The following DCUN1D4 variants were observed in gnomAD, a reference collection of about 807,000 sequenced individuals.
The protein encoded by DCUN1D4 is DCN1-like protein 4.
Under a neutral mutation model 47.9 loss-of-function variants are expected in DCUN1D4, and 22 were observed. The observed-to-expected ratio is 0.46, with a 90% CI of 0.33 to 0.66. The LOEUF (loss-of-function observed/expected upper bound fraction) is 0.66. Among genes scored for constraint, DCUN1D4 ranks in the 30% least tolerant of loss-of-function variants. DCUN1D4 has a pLI of 0.02. For synonymous variants in DCUN1D4, 121 were observed against 112.2 expected (o/e 1.08, Z -0.50); for missense variants, 301 against 340.8 (o/e 0.88, Z 0.92).
At chr4:51,872,310 G>T (rs913993751) in intron 3 of DCUN1D4, among the ~76,000 whole-genome samples, 2 of 152,206 alleles carry the variant, frequency 1.3e-5, no homozygotes, top group Non-Finnish European at 2.9e-5. Flanking sequence ...TAGCAGGGTT[G>T]TGAATGTTGG....
intron 3 of DCUN1D4, among the ~76,000 whole-genome samples, chr4:51,866,085 CAG>C (rs1462119878): frequency 6.6e-6 from 1 of 152,116 alleles, no homozygotes; most frequent in African/African-American, 2.4e-5. Flanking sequence ...AGGAGTGAGA[CAG>C]AGAGGCAGAG....
At chr4:51,869,017 C>G (rs1726419167) in intron 3 of DCUN1D4, among the ~76,000 whole-genome samples, 1 of 149,836 alleles carries the variant, frequency 6.7e-6, no homozygotes, top group South Asian at 2.1e-4. Flanking sequence ...ACTCGGGAGG[C>G]TGAGGCAGGA....
At chr4:51,834,042 TTCTCTCTCTCTCTCTCTC>T in the DCUN1D4 span, among the ~76,000 whole-genome samples, 249 of 51,902 alleles carry the variant, frequency 4.8e-3, 7 homozygotes, top group Middle Eastern at 0.023. Flanking sequence ...TTAGGAGTCT[TTCTCTCTCTCTCTCTCTC>T]TCTCTCTCTC....
At chr4:51,869,394 A>G (rs1260390575) in intron 3 of DCUN1D4, among the ~76,000 whole-genome samples, 1 of 152,182 alleles carries the variant, frequency 6.6e-6, no homozygotes, top group African/African-American at 2.4e-5. Context: ...ATAGCTATAT[A>G]AAAAGTACTG....
chr4:51,864,179 TATG>T (rs1725530072), intron 3 of DCUN1D4, among the ~76,000 whole-genome samples: 1 of 152,196 alleles, frequency 6.6e-6, no homozygotes, highest in Non-Finnish European at 1.5e-5. Context: ...TAGCTGGCAT[TATG>T]ATCACCTGAG....
chr4:51,887,812 A>G (rs754736369), intron 6 of DCUN1D4, among the ~76,000 whole-genome samples: 21 of 150,218 alleles, frequency 1.4e-4, no homozygotes, highest in East Asian at 1.4e-3. Context: ...TCTGTCATCT[A>G]TCTTGGCCCC....
chr4:51,840,749 G>A (rs1721607558), upstream of DCUN1D4, among the ~76,000 whole-genome samples: 1 of 152,172 alleles, frequency 6.6e-6, no homozygotes, highest in Non-Finnish European at 1.5e-5. Context: ...ATATGGTGTG[G>A]ATTATTTAAA....
intron 1 of DCUN1D4, chr4:51,843,538 G>T: frequency 7.8e-7 from 1 of 1,288,610 alleles, no homozygotes; most frequent in Non-Finnish European, 9.8e-7. Flanking sequence ...TGGGGGAAGG[G>T]AGGGCTGGAC....
intron 6 of DCUN1D4, chr4:51,887,070 C>T (rs1729606083): frequency 2.2e-6 from 1 of 445,096 alleles, no homozygotes; most frequent in South Asian, 1.6e-5. Context: ...TTTCATAGAT[C>T]GTTTACTTCC....
intron 1 of DCUN1D4, among the ~76,000 whole-genome samples, chr4:51,847,625 GT>G (rs554890242): frequency 1.1e-3 from 151 of 139,090 alleles, no homozygotes; most frequent in Middle Eastern, 3.7e-3. Flanking sequence ...TTTCTTTTTT[GT>G]TTTTTTTTTT....
chr4:51,871,811 G>A (rs1726938304), intron 3 of DCUN1D4, among the ~76,000 whole-genome samples: 1 of 152,262 alleles, frequency 6.6e-6, no homozygotes, highest in South Asian at 2.1e-4. Flanking sequence ...GTCTGCAGAA[G>A]CTTGGGTCAC....
intron 8 of DCUN1D4, among the ~76,000 whole-genome samples, chr4:51,906,725 T>G (rs1171854996): frequency 6.6e-6 from 1 of 152,224 alleles, no homozygotes; most frequent in East Asian, 1.9e-4. Context: ...TTAAGATTCC[T>G]CTTTAGTTGT....
At chr4:51,899,055 G>A (rs1731708696) in intron 7 of DCUN1D4, among the ~76,000 whole-genome samples, 1 of 152,124 alleles carries the variant, frequency 6.6e-6, no homozygotes, top group Non-Finnish European at 1.5e-5. Context: ...GTTAATTGCT[G>A]GATCAAGGGG....
chr4:51,845,739 A>C (rs563031979), intron 1 of DCUN1D4, among the ~76,000 whole-genome samples: 28 of 152,360 alleles, frequency 1.8e-4, no homozygotes, highest in African/African-American at 5.8e-4. Context: ...TGATGATAAA[A>C]ATATTACCAA....
In DCUN1D4 at chr4:51,915,654, T is replaced by C. The variant is rs936163417; in HGVS notation, c.*2070T>C. ...CAACTGTAGCTTTATTTAAAGCAAA[T>C]ATAAATCATAGATGAAGTTATTTTA... is the stretch of plus-strand genomic sequence containing the variant. On this transcript the variant is annotated 3_prime_UTR_variant, in exon 11 of 11. Coordinates refer to ENST00000334635, the MANE Select transcript of DCUN1D4 (RefSeq NM_001040402.3). 5 of 152,542 alleles carry C rather than the reference T, an allele frequency of 3.3e-5. No individual in the cohort carries two copies. The East Asian group carries it at 9.6e-4, about 29-fold the overall frequency. 9.4% of individuals were successfully genotyped at this position (152,542 alleles called of 1,614,324 possible). A position where few individuals can be genotyped will look rare whatever the true frequency, so the allele number is the denominator to read the frequency against.
chr4:51,895,399 T>C (rs910280149), intron 7 of DCUN1D4, among the ~76,000 whole-genome samples: 1 of 151,830 alleles, frequency 6.6e-6, no homozygotes, highest in African/African-American at 2.4e-5. Context: ...CCCTAGGGCC[T>C]GTGAGCCTGG....
intron 5 of DCUN1D4, among the ~76,000 whole-genome samples, chr4:51,878,196 C>G (rs1261296473): frequency 1.3e-5 from 2 of 152,026 alleles, no homozygotes; most frequent in East Asian, 3.9e-4. Flanking sequence ...TGCTTTGAAC[C>G]CTTACTTAGT....
chr4:51,916,716 C>T lies in DCUN1D4; in HGVS notation c.*3132C>T, dbSNP rs1327233777. The T allele has an allele frequency of 1.3e-5, 2 of 152,506 alleles. No individual in the cohort carries two copies. The highest frequency in any genetic ancestry group is 4.8e-5 in the African/African-American group (2 of 41,440). 9.4% of individuals were successfully genotyped at this position (152,506 alleles called of 1,614,324 possible). A position where few individuals can be genotyped will look rare whatever the true frequency, so the allele number is the denominator to read the frequency against. ...AAAAGTGTGCAAGTCCTGTGACTCC[C>T]AGCTTAACTGAAATACTGTTATGCC... On this transcript the variant is annotated 3_prime_UTR_variant, in exon 11 of 11. Transcript: ENST00000334635.
intron 1 of DCUN1D4, chr4:51,860,394 C>A: frequency 3.4e-6 from 1 of 291,536 alleles, no homozygotes; most frequent in Non-Finnish European, 6.9e-6. Flanking sequence ...ATTTTTGTTC[C>A]TGTGTGTTGT....
Sources: allele counts gnomAD v4.1 joint callset (sites outside exome capture counted in the v4.1 genomes callset), GRCh38; gene constraint gnomAD v4.1.1; transcripts MANE v1.5; gene names NCBI Gene and HGNC (gene_info 2026-07-23, HGNC 2026-07-21).